Variants in REDIC1 observed in about 807,000 individuals in gnomAD.
REDIC1 encodes the protein regulator of DNA class I crossover intermediates 1, also known as HEI10 Interacting Protein 1.
the REDIC1 span, among the ~76,000 whole-genome samples, chr12:39,851,923 G>C: frequency 0.72 from 110,150 of 152,130 alleles, 40,600 homozygotes; most frequent in African/African-American, 0.86. Flanking sequence ...TATTTCTTTT[G>C]TACAAACTGA....
chr12:39,857,593 T>C, the REDIC1 span, among the ~76,000 whole-genome samples: 23 of 152,344 alleles, frequency 1.5e-4, no homozygotes, highest in South Asian at 4.8e-3. Context: ...TAATCAATTT[T>C]CCACTCTGCA....
At chr12:39,822,555 G>T in the REDIC1 span, among the ~76,000 whole-genome samples, 1 of 152,046 alleles carries the variant, frequency 6.6e-6, no homozygotes, top group African/African-American at 2.4e-5. Flanking sequence ...CTTCATCTCT[G>T]CTGTACACCT....
chr12:39,711,721 GCACATGCA>G, the REDIC1 span, among the ~76,000 whole-genome samples: 1 of 105,736 alleles, frequency 9.5e-6, no homozygotes, highest in African/African-American at 4.3e-5. Flanking sequence ...GCATGTGTAT[GCACATGCA>G]TGTGTGTATG....
chr12:39,850,873 G>A, the REDIC1 span, among the ~76,000 whole-genome samples: 1 of 151,774 alleles, frequency 6.6e-6, no homozygotes, highest in African/African-American at 2.4e-5. Context: ...ATATCAGGAA[G>A]AGCTGAATAT....
At chr12:39,786,564 G>A in the REDIC1 span, among the ~76,000 whole-genome samples, 1 of 152,308 alleles carries the variant, frequency 6.6e-6, no homozygotes, top group East Asian at 1.9e-4. Flanking sequence ...TGCATTCTAA[G>A]CAGGCCCTTG....
At chr12:39,783,712 GTTGT>G in the REDIC1 span, among the ~76,000 whole-genome samples, 12 of 152,104 alleles carry the variant, frequency 7.9e-5, no homozygotes, top group Admixed American at 2.6e-4. Flanking sequence ...CTTTTTGGGG[GTTGT>G]TTGTTTTCTT....
chr12:39,666,632 G>A, the REDIC1 span, among the ~76,000 whole-genome samples: 53 of 152,190 alleles, frequency 3.5e-4, no homozygotes, highest in Admixed American at 1.7e-3. Flanking sequence ...AATAGTTTCA[G>A]AAGAAATGGT....
the REDIC1 span, among the ~76,000 whole-genome samples, chr12:39,794,895 C>T: frequency 6.6e-6 from 1 of 152,182 alleles, no homozygotes; most frequent in Admixed American, 6.6e-5. Context: ...AATGAGCTGT[C>T]AGTCTAATTG....
chr12:39,882,029 C>A, the REDIC1 span, among the ~76,000 whole-genome samples: 2 of 152,136 alleles, frequency 1.3e-5, no homozygotes, highest in Non-Finnish European at 2.9e-5. Context: ...AGCCTACTCT[C>A]AAGGCTCACT....
chr12:39,859,663 C>T, the REDIC1 span, among the ~76,000 whole-genome samples: 2 of 152,118 alleles, frequency 1.3e-5, no homozygotes, highest in South Asian at 4.1e-4. Context: ...GCTGGGATTA[C>T]AGGCACCCAC....
the REDIC1 span, among the ~76,000 whole-genome samples, chr12:39,629,713 A>G: frequency 1.2e-4 from 18 of 152,156 alleles, no homozygotes; most frequent in Non-Finnish European, 2.4e-4. Flanking sequence ...GCAAGATATC[A>G]TAACAGTGCA....
At chr12:39,865,313 A>G in the REDIC1 span, among the ~76,000 whole-genome samples, 91 of 152,372 alleles carry the variant, frequency 6.0e-4, no homozygotes, top group African/African-American at 2.0e-3. Context: ...AATGACATTC[A>G]ATCATGTAAG....
At chr12:39,709,295 G>C in the REDIC1 span, among the ~76,000 whole-genome samples, 1 of 146,738 alleles carries the variant, frequency 6.8e-6, no homozygotes, top group Admixed American at 6.9e-5. Context: ...TCAGTAATTT[G>C]GGAGAGAGTG....
the REDIC1 span, among the ~76,000 whole-genome samples, chr12:39,735,719 G>A: frequency 1.3e-5 from 2 of 152,234 alleles, no homozygotes; most frequent in African/African-American, 2.4e-5. Context: ...ATTTGAGGTA[G>A]TATTTCATAC....
chr12:39,702,149 G>T, the REDIC1 span, among the ~76,000 whole-genome samples: 1 of 152,132 alleles, frequency 6.6e-6, no homozygotes, highest in African/African-American at 2.4e-5. Flanking sequence ...ATGAATTTGG[G>T]AGCTGGTTTT....
At chr12:39,654,482 G>A in the REDIC1 span, among the ~76,000 whole-genome samples, 1 of 152,024 alleles carries the variant, frequency 6.6e-6, no homozygotes, top group Non-Finnish European at 1.5e-5. Context: ...CAGCTACTCG[G>A]GAGCCTGAGG....
the REDIC1 span, among the ~76,000 whole-genome samples, chr12:39,708,366 A>G: frequency 1.1e-4 from 16 of 151,890 alleles, no homozygotes; most frequent in East Asian, 7.7e-4. Flanking sequence ...CTAGTTTAAT[A>G]TTGGTTTTTG....
the REDIC1 span, among the ~76,000 whole-genome samples, chr12:39,700,621 A>G: frequency 1.3e-5 from 2 of 152,130 alleles, no homozygotes; most frequent in Non-Finnish European, 2.9e-5. Flanking sequence ...AGCAACACCA[A>G]GACACATAAT....
the REDIC1 span, among the ~76,000 whole-genome samples, chr12:39,679,009 G>T: frequency 6.6e-6 from 1 of 152,112 alleles, no homozygotes; most frequent in Admixed American, 6.5e-5. Flanking sequence ...ATGGGGGAAA[G>T]TTGAAAGCAT....
Sources: gnomAD v4.1 joint callset for allele counts (sites outside exome capture counted in the v4.1 genomes callset) on GRCh38, gnomAD v4.1.1 for gene constraint, MANE v1.5 for transcripts, NCBI Gene and HGNC (gene_info 2026-07-23, HGNC 2026-07-21) for gene names.